The following LSM14A variants were observed in gnomAD, a reference collection of about 807,000 sequenced individuals.
LSM14A encodes protein LSM14 homolog A.
A neutral mutation model predicts 52.4 loss-of-function variants in LSM14A; 14 were observed. The observed-to-expected ratio is 0.27, with a 90% CI of 0.18 to 0.42. The LOEUF (loss-of-function observed/expected upper bound fraction) is 0.42, where lower values mean the gene tolerates loss of function less well. Among genes scored for constraint, LSM14A ranks in the 10% least tolerant of loss-of-function variants. The probability of loss-of-function intolerance (pLI) is 1.00; values close to 1 mark genes in which losing one functional copy is unlikely to be tolerated. For synonymous variants in LSM14A, 185 were observed against 200.3 expected (o/e 0.92, Z 0.64); for missense variants, 417 against 581.8 (o/e 0.72, Z 2.91).
Position 34,228,571 on chromosome 19 carries a change from GA to G in LSM14A, c.*1184del, listed in dbSNP as rs1568507842. 47 of 66,312 alleles carry G rather than the reference GA, an allele frequency of 7.1e-4. No individual in the cohort carries two copies. Among genetic ancestry groups the G allele is most frequent in the African/African-American group, 2.5e-3 (39 of 15,712 alleles). 4.1% of individuals were successfully genotyped at this position (66,312 alleles called of 1,614,324 possible). ...CGGCAACACTGGTCCTTGGGCCTATGATGACCCACAGATGACTCAGTATAGA... is the reference window on the plus strand; with the variant it reads ...CGGCAACACTGGTCCTTGGGCCTATGTGACCCACAGATGACTCAGTATAGA... On this transcript the variant is annotated 3_prime_UTR_variant, in exon 10 of 10. Transcript: ENST00000544216.
Position 34,227,456 on chromosome 19 carries a change from C to A in LSM14A, c.*68C>A. 1.6e-6 allele frequency: 2 copies of A among 1,228,476 alleles called. No individual in the cohort carries two copies. Among genetic ancestry groups the A allele is most frequent in the African/African-American group, 1.6e-5 (1 of 63,958 alleles). 76.1% of individuals were successfully genotyped at this position (1,228,476 alleles called of 1,614,324 possible). A position where few individuals can be genotyped will look rare whatever the true frequency, so the allele number is the denominator to read the frequency against. ...CATGGTCCTGAACATTGATTTCAGT[C>A]TTTGCAAAGAATGAAGAAGTGAATT... On this transcript the variant is annotated 3_prime_UTR_variant, in exon 10 of 10. Transcript: ENST00000544216.
chr19:34,190,671 G>A (rs185591288), intron 1 of LSM14A, among the ~76,000 whole-genome samples: 85 of 152,054 alleles, frequency 5.6e-4, no homozygotes, highest in African/African-American at 1.9e-3. Context: ...TTGTTAAAAT[G>A]TTGTGATATA....
chr19:34,226,513 G>A, intron 9 of LSM14A: 3 of 1,439,814 alleles, frequency 2.1e-6, no homozygotes, highest in Non-Finnish European at 2.8e-6. Flanking sequence ...CTTTGTGGGG[G>A]ACAGCAGGTT....
chr19:34,214,226 A>G (rs562768743), intron 4 of LSM14A, among the ~76,000 whole-genome samples: 380 of 151,796 alleles, frequency 2.5e-3, no homozygotes, highest in Non-Finnish European at 4.0e-3. Context: ...TTTAGTTTTT[A>G]TGTTTAATTA....
chr19:34,198,338 T>C (rs1348683354), intron 3 of LSM14A, among the ~76,000 whole-genome samples: 2 of 151,672 alleles, frequency 1.3e-5, no homozygotes, highest in African/African-American at 2.4e-5. Flanking sequence ...CTGAATGAGC[T>C]GGGCGCGGTG....
intron 3 of LSM14A, among the ~76,000 whole-genome samples, chr19:34,199,677 A>G (rs986990293): frequency 6.6e-6 from 1 of 152,168 alleles, no homozygotes; most frequent in Non-Finnish European, 1.5e-5. Context: ...ACCCCGTAGC[A>G]AGGGACACAT....
rs140536208 is a variant in LSM14A, at chr19:34,205,487, CAAAAAAAAAAAAAAAAA to C, written c.416-3428_416-3412del. On this transcript the variant is annotated intron_variant, in intron 3 of 9. Transcript: ENST00000544216. ...GGCGACAGAACAAGACTCCATCTCACAAAAAAAAAAAAAAAAAAAAAAAAAAAAAATACTAGGAAAAA... is the reference window on the plus strand; with the variant it reads ...GGCGACAGAACAAGACTCCATCTCACAAAAAAAAAAAAATACTAGGAAAAA... Among the ~76,000 whole-genome samples the C allele has an allele frequency of 2.5e-4, 24 of 95,232 alleles. No individual in the cohort carries two copies. The East Asian group carries it at 8.9e-3, about 35-fold the overall frequency. The allele number at this position is 95,232 out of a possible 152,430, so 62.5% of individuals were successfully genotyped here. A position where few individuals can be genotyped will look rare whatever the true frequency, so the allele number is the denominator to read the frequency against.
chr19:34,222,013 G>A (rs1204131850), intron 9 of LSM14A: 1 of 217,154 alleles, frequency 4.6e-6, no homozygotes, highest in Non-Finnish European at 7.8e-6. Context: ...AGAATGGAAG[G>A]GCAAGCTTTA....
chr19:34,217,383 A>G (rs28501421), intron 6 of LSM14A, among the ~76,000 whole-genome samples: 3,736 of 151,600 alleles, frequency 0.025, 155 homozygotes, highest in African/African-American at 0.087. Flanking sequence ...TTTGTAATAT[A>G]TAACATTCTA....
At chr19:34,212,717 C>A (rs2072259820) in intron 4 of LSM14A, among the ~76,000 whole-genome samples, 1 of 152,128 alleles carries the variant, frequency 6.6e-6, no homozygotes, top group Non-Finnish European at 1.5e-5. Flanking sequence ...AATAATGTAT[C>A]CAGTATCACA....
At chr19:34,181,688 C>T (rs963262451) in intron 1 of LSM14A, among the ~76,000 whole-genome samples, 3 of 152,088 alleles carry the variant, frequency 2.0e-5, no homozygotes, top group Admixed American at 2.0e-4. Flanking sequence ...TCAGTTATCT[C>T]CCCTTTTCTC....
At chr19:34,178,172 A>C (rs1190785059) in intron 1 of LSM14A, among the ~76,000 whole-genome samples, 1 of 137,798 alleles carries the variant, frequency 7.3e-6, no homozygotes, top group African/African-American at 2.8e-5. Context: ...AAAAAAAAAA[A>C]AACACAAAAT....
intron 3 of LSM14A, among the ~76,000 whole-genome samples, chr19:34,199,214 T>C (rs954088610): frequency 6.6e-6 from 1 of 152,048 alleles, no homozygotes; most frequent in African/African-American, 2.4e-5. Context: ...AACCTCCGCC[T>C]CCCAGGCTCA....
At position 34,219,826 on chromosome 19, in the gene LSM14A, A is replaced by G. The variant is rs1318143812; in HGVS notation, c.1085A>G (p.Tyr362Cys). 1 of 1,613,422 alleles carries G rather than the reference A, an allele frequency of 6.2e-7. No homozygotes were observed. The highest frequency in any genetic ancestry group is 8.5e-7 in the Non-Finnish European group (1 of 1,179,460). Residue 362 changes from tyrosine (Y) to cysteine (C), a missense_variant, in exon 8 of 10, where the codon TAT becomes TGT. Coordinates refer to ENST00000544216, the MANE Select transcript of LSM14A (RefSeq NM_015578.4). ...GAAGATCCACTTGGACCTAATTGCT[A>G]TTATGACAAAACTAAATCCTTCTTT... ...DEEDPLGPNC[Y>C]YDKTKSFFDN...
At chr19:34,185,472 G>A (rs2069829087) in intron 1 of LSM14A, among the ~76,000 whole-genome samples, 1 of 151,902 alleles carries the variant, frequency 6.6e-6, no homozygotes. Flanking sequence ...AGAAGAGAGT[G>A]CAGATGTGCA....
chr19:34,191,845 A>C (rs561137180), intron 1 of LSM14A, among the ~76,000 whole-genome samples: 2 of 152,306 alleles, frequency 1.3e-5, no homozygotes, highest in Non-Finnish European at 2.9e-5. Context: ...TTTATTTGTA[A>C]TTAGTCCTTT....
intron 1 of LSM14A, among the ~76,000 whole-genome samples, chr19:34,183,108 C>G (rs1297384576): frequency 3.3e-5 from 5 of 152,112 alleles, no homozygotes; most frequent in African/African-American, 1.2e-4. Context: ...AATATAAAAA[C>G]AGCCATAAGG....
intron 1 of LSM14A, among the ~76,000 whole-genome samples, chr19:34,173,856 T>A (rs2068889957): frequency 6.6e-6 from 1 of 152,214 alleles, no homozygotes; most frequent in Admixed American, 6.5e-5. Context: ...TGTAAAATTT[T>A]AAAAATCGTT....
chr19:34,185,641 G>A (rs1249399980), intron 1 of LSM14A, among the ~76,000 whole-genome samples: 1 of 152,152 alleles, frequency 6.6e-6, no homozygotes, highest in South Asian at 2.1e-4. Context: ...TTGTAGAAGA[G>A]GTGGTGCTTT....
Sources: gnomAD v4.1 joint callset for allele counts (sites outside exome capture counted in the v4.1 genomes callset) on GRCh38, gnomAD v4.1.1 for gene constraint, MANE v1.5 for transcripts, NCBI Gene and HGNC (gene_info 2026-07-23, HGNC 2026-07-21) for gene names.